The following FAM204A variants were observed in gnomAD, a reference collection of about 807,000 sequenced individuals.
FAM204A encodes the protein protein FAM204A.
In FAM204A, 16 loss-of-function variants were observed where a neutral mutation model predicts 35.4. The observed-to-expected ratio is 0.45, with a 90% CI of 0.31 to 0.69. The LOEUF (loss-of-function observed/expected upper bound fraction) is 0.69, where lower values mean the gene tolerates loss of function less well. Ranked by LOEUF, FAM204A falls within the 30% of genes least tolerant of loss-of-function variation. The pLI, the probability that FAM204A is intolerant of heterozygous loss-of-function variation, is 0.07. For synonymous variants in FAM204A, 76 were observed against 86.9 expected, an observed-to-expected ratio of 0.88 and a Z score of 0.70; for missense variants, 240 against 265.7, an observed-to-expected ratio of 0.90 and a Z score of 0.67.
chr10:118,311,658 C>A (rs979402889), intron 7 of FAM204A, among the ~76,000 whole-genome samples: 1 of 152,134 alleles, frequency 6.6e-6, no homozygotes, highest in Non-Finnish European at 1.5e-5. Flanking sequence ...GCTGCAGACA[C>A]TGACAGAGAC....
At chr10:118,324,277 G>C (rs1415410909) in intron 7 of FAM204A, among the ~76,000 whole-genome samples, 1 of 152,116 alleles carries the variant, frequency 6.6e-6, no homozygotes, top group African/African-American at 2.4e-5. Flanking sequence ...AAAACAAACA[G>C]TAAAAATACT....
intron 7 of FAM204A, among the ~76,000 whole-genome samples, chr10:118,321,724 C>CAAAAAAAAAAAAA (rs200200755): frequency 1.3e-4 from 11 of 87,238 alleles, no homozygotes; most frequent in Admixed American, 1.5e-4. Context: ...TATGACAAAG[C>CAAAAAAAAAAAAA]AAAAAAAAAA....
intron 7 of FAM204A, chr10:118,322,377 A>G (rs1040283557): frequency 2.2e-6 from 1 of 456,312 alleles, no homozygotes; most frequent in African/African-American, 2.0e-5. Context: ...GATCGCTGAC[A>G]CTGAGAAACA....
At chr10:118,333,664 T>C (rs1169317096) in intron 6 of FAM204A, among the ~76,000 whole-genome samples, 1 of 152,166 alleles carries the variant, frequency 6.6e-6, no homozygotes, top group East Asian at 1.9e-4. Context: ...CTTGTGTTTA[T>C]TTGTAGAATA....
rs1048703458 is a variant in FAM204A at position 118,308,906 on chromosome 10, A to C, written c.*1951T>G. On this transcript the variant is annotated 3_prime_UTR_variant, in exon 9 of 9. Coordinates refer to ENST00000369183, the MANE Select transcript of FAM204A (RefSeq NM_022063.3). ...AGAAAAAAAAAAAAAAATGAGACTG[A>C]AGTCAAAGGGAAATGCCCATATCGG... 25 of 151,928 alleles carry C rather than the reference A, an allele frequency of 1.6e-4. No individual in the cohort carries two copies. Among genetic ancestry groups the C allele is most frequent in the African/African-American group, 5.3e-4 (22 of 41,350 alleles). The allele number at this position is 151,928 out of a possible 1,614,324, so 9.4% of individuals were successfully genotyped here. A position where few individuals can be genotyped will look rare whatever the true frequency, so the allele number is the denominator to read the frequency against.
intron 2 of FAM204A, 90 bp from the exon 3 acceptor site, chr10:118,336,513 A>G: frequency 2.5e-6 from 3 of 1,220,666 alleles, no homozygotes; most frequent in East Asian, 2.6e-5. Flanking sequence ...CCTAATAATT[A>G]TAACAATGGT....
rs1845907515 is a variant in FAM204A at position 118,309,021 on chromosome 10, A to G, written c.*1836T>C. 1.3e-5 allele frequency: 2 copies of G among 152,234 alleles called. No individual in the cohort carries two copies. The highest frequency in any genetic ancestry group is 2.4e-5 in the African/African-American group (1 of 41,468). The allele number at this position is 152,234 out of a possible 1,614,324, so 9.4% of individuals were successfully genotyped here. On this transcript the variant is annotated 3_prime_UTR_variant, in exon 9 of 9. Coordinates refer to ENST00000369183, the MANE Select transcript of FAM204A (RefSeq NM_022063.3). ...ACAAAACCACTGGATTGTATAGTGAATATTTCCCCCATAATGGATTTTTAG... is the reference window on the plus strand; with the variant it reads ...ACAAAACCACTGGATTGTATAGTGAGTATTTCCCCCATAATGGATTTTTAG...
At position 118,323,758 on chromosome 10, in the gene FAM204A, G is replaced by A. The variant is rs117758484; in HGVS notation, c.543+2396C>T. Among the ~76,000 whole-genome samples the A allele has an allele frequency of 7.2e-3, 1,097 of 151,990 alleles. 9 individuals carry two copies. The highest frequency in any genetic ancestry group is 0.013 in the Non-Finnish European group (872 of 67,962). On this transcript the variant is annotated intron_variant, in intron 7 of 8. Coordinates refer to ENST00000369183, the MANE Select transcript of FAM204A (RefSeq NM_022063.3). ...TCAGATATTCTACTGGTATAATTTT[G>A]CTATACTTTCAAGTACAATTACTTG...
intron 7 of FAM204A, among the ~76,000 whole-genome samples, chr10:118,322,907 G>A (rs1846140324): frequency 6.6e-6 from 1 of 152,078 alleles, no homozygotes; most frequent in South Asian, 2.1e-4. Flanking sequence ...GCTTCTCTGT[G>A]AATTCCCCTT....
chr10:118,328,002 T>C (rs982183356), intron 6 of FAM204A, among the ~76,000 whole-genome samples: 9 of 152,208 alleles, frequency 5.9e-5, no homozygotes, highest in Non-Finnish European at 1.3e-4. Flanking sequence ...AGATGGCTTT[T>C]GCTGGGGGTA....
At position 118,307,379 on chromosome 10, in the gene FAM204A, G is replaced by GA. The variant is rs951443798; in HGVS notation, c.*3477dup. The stretch of plus-strand genomic sequence containing the variant: ...AAGCCAATGAATAAACAGTTGGCAG[G>GA]AAAAAATATTGAACTGACATGCAAA... On this transcript the variant is annotated 3_prime_UTR_variant, in exon 9 of 9. Coordinates refer to ENST00000369183, the MANE Select transcript of FAM204A (RefSeq NM_022063.3). The GA allele has an allele frequency of 5.3e-5, 8 of 152,294 alleles. No homozygotes were observed. The highest frequency in any genetic ancestry group is 1.4e-4 in the African/African-American group (6 of 41,546). 9.4% of individuals were successfully genotyped at this position (152,294 alleles called of 1,614,324 possible).
chr10:118,312,080 C>G (rs375727187), intron 7 of FAM204A, among the ~76,000 whole-genome samples: 7 of 152,214 alleles, frequency 4.6e-5, no homozygotes, highest in Non-Finnish European at 7.3e-5. Flanking sequence ...CTGCCCTGCA[C>G]GGCGCTCTGG....
At chr10:118,338,850 A>G (rs1354314341) in intron 2 of FAM204A, among the ~76,000 whole-genome samples, 1 of 152,184 alleles carries the variant, frequency 6.6e-6, no homozygotes, top group Non-Finnish European at 1.5e-5. Flanking sequence ...GTTGCCCCGA[A>G]GAAGGCATGC....
chr10:118,335,710 G>T, intron 3 of FAM204A, 69 bp from the exon 4 acceptor site: 1 of 1,167,018 alleles, frequency 8.6e-7, no homozygotes, highest in Non-Finnish European at 1.2e-6. Flanking sequence ...AAAAAATAAT[G>T]AAGTAATAAA....
intron 6 of FAM204A, 73 bp downstream of exon 6, chr10:118,335,041 C>G: frequency 9.3e-7 from 1 of 1,072,558 alleles, no homozygotes; most frequent in Non-Finnish European, 1.4e-6. Context: ...TTAATGAGGA[C>G]AAGTACTTTA....
Position 118,335,189 on chromosome 10 carries a change from C to T in FAM204A, c.378G>A (p.Gln126=), listed in dbSNP as rs763990735. 1.9e-6 allele frequency: 3 copies of T among 1,613,464 alleles called. No homozygotes were observed. The highest frequency in any genetic ancestry group is 2.2e-5 in the South Asian group (2 of 91,008). ...LHSEPSSNET[Q]WKELTQYFGV... ...CAAAATACTGAGTAAGCTCTTTCCA[C>T]TGGGTTTCATTTGAGGACGGTTCAC... is the stretch of plus-strand genomic sequence containing the variant. The change falls in exon 6 of 9, where the codon CAG becomes CAA. Residue 126 remains glutamine (Q), a synonymous_variant. Coordinates refer to ENST00000369183, the MANE Select transcript of FAM204A (RefSeq NM_022063.3).
At chr10:118,337,084 G>T in intron 2 of FAM204A, 1 of 217,368 alleles carries the variant, frequency 4.6e-6, no homozygotes, top group Non-Finnish European at 7.8e-6. Flanking sequence ...TACTATATTT[G>T]GGAAACTAAT....
rs1322630085 is a variant in FAM204A at position 118,301,948 on chromosome 10, T to C, written c.*8909A>G. ...AGCAACACACCTGCCTCCGTCCTTT[T>C]TCTCCAAAGTTTATCACCATATGAG... On this transcript the variant is annotated 3_prime_UTR_variant, in exon 9 of 9. Coordinates refer to ENST00000369183, the MANE Select transcript of FAM204A (RefSeq NM_022063.3). The C allele has an allele frequency of 6.6e-6, 1 of 152,612 alleles. No homozygotes were observed. Among genetic ancestry groups the C allele is most frequent in the Non-Finnish European group, 1.5e-5 (1 of 68,058 alleles). The allele number at this position is 152,612 out of a possible 1,614,324, so 9.5% of individuals were successfully genotyped here.
chr10:118,331,068 A>G (rs1483806972), intron 6 of FAM204A, among the ~76,000 whole-genome samples: 1 of 152,218 alleles, frequency 6.6e-6, no homozygotes, highest in Non-Finnish European at 1.5e-5. Context: ...CCATTATTGC[A>G]AAAGAGAAGG....
Sources: allele counts gnomAD v4.1 joint callset (sites outside exome capture counted in the v4.1 genomes callset), GRCh38; gene constraint gnomAD v4.1.1; transcripts MANE v1.5; gene names NCBI Gene and HGNC (gene_info 2026-07-23, HGNC 2026-07-21).